The following PRDM15 variants were observed in gnomAD, a reference collection of about 807,000 sequenced individuals.
PRDM15 encodes PR/SET domain 15.
In PRDM15, 64 loss-of-function variants were observed where a neutral mutation model predicts 128.6. The ratio of observed to expected loss-of-function variants is 0.50; its 90% CI spans 0.41 to 0.61. PRDM15 has a LOEUF of 0.61. PRDM15 is among the 20% of genes least tolerant of loss of function. The pLI, the probability that PRDM15 is intolerant of heterozygous loss-of-function variation, is 0.00. For synonymous variants in PRDM15, 615 were observed against 621.8 expected (o/e 0.99, Z 0.16); for missense variants, 1,242 against 1,569.1 (o/e 0.79, Z 3.52).
At chr21:41,852,875 G>T (rs184309533) in intron 5 of PRDM15, among the ~76,000 whole-genome samples, 1 of 152,310 alleles carries the variant, frequency 6.6e-6, no homozygotes, top group Non-Finnish European at 1.5e-5. Flanking sequence ...TTAAGGTGAG[G>T]TCATGCTGGA....
chr21:41,857,028 T>C (rs1490296947), intron 4 of PRDM15, 148 bp downstream of exon 4: 3 of 699,352 alleles, frequency 4.3e-6, no homozygotes, highest in Non-Finnish European at 7.2e-6. Context: ...AAACATTTTC[T>C]TGGAAATTAA....
In PRDM15 at chr21:41,830,469, CCA is replaced by C. The variant is rs1213353547; in HGVS notation, c.1367-2138_1367-2137del. Among the ~76,000 whole-genome samples the C allele has an allele frequency of 9.9e-5, 15 of 151,230 alleles. No homozygotes were observed. The South Asian group carries it at 1.0e-3, about 11-fold the overall frequency. ...ACTGAACACATACCACACACATACA[CCA>C]CACACACACTGAACACATACCACAC... is the stretch of plus-strand genomic sequence containing the variant. On this transcript the variant is annotated intron_variant, in intron 11 of 23. Coordinates refer to ENST00000398548, the MANE Select transcript of PRDM15 (RefSeq NM_001040424.3).
intron 16 of PRDM15, 96 bp from the exon 17 acceptor site, chr21:41,820,270 C>T: frequency 1.1e-6 from 1 of 871,222 alleles, no homozygotes; most frequent in East Asian, 2.6e-5. Context: ...AAAGGTGAGG[C>T]AACAAGGTGC....
chr21:41,827,689 CA>C (rs1347600971), intron 12 of PRDM15, among the ~76,000 whole-genome samples: 2 of 152,214 alleles, frequency 1.3e-5, no homozygotes, highest in African/African-American at 4.8e-5. Flanking sequence ...TTCTTTTCAA[CA>C]AGCATATGCT....
At chr21:41,857,932 G>A (rs923118817) in intron 3 of PRDM15, among the ~76,000 whole-genome samples, 5 of 152,196 alleles carry the variant, frequency 3.3e-5, no homozygotes, top group East Asian at 1.9e-4. Context: ...ACACCATGGC[G>A]GGGCTGTGCA....
intron 21 of PRDM15, among the ~76,000 whole-genome samples, chr21:41,808,669 A>G (rs892582078): frequency 3.9e-5 from 6 of 152,270 alleles, no homozygotes; most frequent in African/African-American, 1.4e-4. Context: ...CCTCATTTAT[A>G]TAAGTGAGTA....
chr21:41,872,713 C>G (rs4919979), intron 1 of PRDM15, among the ~76,000 whole-genome samples: 105,626 of 152,062 alleles, frequency 0.69, 37,588 homozygotes, highest in Non-Finnish European at 0.77. Flanking sequence ...ATTGTGCGGG[C>G]CAGAGGTGGT....
intron 1 of PRDM15, chr21:41,878,590 AC>A: frequency 1.7e-6 from 1 of 586,560 alleles, no homozygotes; most frequent in Non-Finnish European, 2.6e-6. Context: ...ACGGCCACCC[AC>A]CCCGGGTAGG....
intron 21 of PRDM15, among the ~76,000 whole-genome samples, chr21:41,806,526 C>CACCACCCATCACTACCACCA (rs2061655773): frequency 1.2e-4 from 1 of 8,440 alleles, no homozygotes; most frequent in Non-Finnish European, 2.9e-4. Context: ...CCACCATCAC[C>CACCACCCATCACTACCACCA]ACCACCATCA....
chr21:41,843,107 GT>G (rs1200835146), intron 6 of PRDM15, among the ~76,000 whole-genome samples: 1 of 149,146 alleles, frequency 6.7e-6, no homozygotes, highest in South Asian at 2.1e-4. Context: ...TTTTTTGTTT[GT>G]TTTTTTGTTT....
chr21:41,852,692 G>A (rs562298376), intron 5 of PRDM15, among the ~76,000 whole-genome samples: 2 of 152,302 alleles, frequency 1.3e-5, no homozygotes, highest in South Asian at 4.1e-4. Flanking sequence ...CGCCGCCACC[G>A]CTGCAGGCCC....
At chr21:41,850,612 T>A (rs1004381625) in intron 5 of PRDM15, among the ~76,000 whole-genome samples, 2 of 151,986 alleles carry the variant, frequency 1.3e-5, no homozygotes, top group African/African-American at 4.8e-5. Flanking sequence ...CACATCCCTG[T>A]GGTCCCAGCT....
At chr21:41,848,127 C>T (rs543549961) in intron 5 of PRDM15, among the ~76,000 whole-genome samples, 9 of 152,308 alleles carry the variant, frequency 5.9e-5, no homozygotes, top group African/African-American at 1.4e-4. Flanking sequence ...TCATCACCCA[C>T]GGCAAACTCC....
At chr21:41,858,835 G>GA (rs934065658) in intron 3 of PRDM15, among the ~76,000 whole-genome samples, 2 of 151,442 alleles carry the variant, frequency 1.3e-5, no homozygotes, top group African/African-American at 2.4e-5. Context: ...GTCACACTAA[G>GA]AAAAAAAAAT....
rs1351484261 is a variant in PRDM15 at position 41,800,086 on chromosome 21, C to A, written c.*1154G>T. On this transcript the variant is annotated 3_prime_UTR_variant, in exon 24 of 24. Coordinates refer to ENST00000398548, the MANE Select transcript of PRDM15 (RefSeq NM_001040424.3). ...TTCATTACCACCTGGCAGGAAATAG[C>A]ATTTTCTCTGTGTTTCAGAAATACC... is the stretch of plus-strand genomic sequence containing the variant. 6.6e-6 allele frequency: 1 copy of A among 152,230 alleles called. No homozygotes were observed. Among genetic ancestry groups the A allele is most frequent in the East Asian group, 1.9e-4 (1 of 5,202 alleles). The allele number at this position is 152,230 out of a possible 1,614,324, so 9.4% of individuals were successfully genotyped here.
rs1286996477 is a variant in PRDM15, at chr21:41,828,970, CACCACG to C, written c.1367-643_1367-638del. 5.3e-5 allele frequency among the ~76,000 whole-genome samples: 8 copies of C among 150,076 alleles called. No individual in the cohort carries two copies. Among genetic ancestry groups the C allele is most frequent in the African/African-American group, 2.0e-4 (8 of 40,294 alleles). On this transcript the variant is annotated intron_variant, in intron 11 of 23. Coordinates refer to ENST00000398548, the MANE Select transcript of PRDM15 (RefSeq NM_001040424.3). This position sits in a 1 kb window ranked among gnomAD's most constrained non-coding sequence, Gnocchi z 5.7. The stretch of plus-strand genomic sequence containing the variant: ...CACAATCACACACACCACATACACA[CACCACG>C]CACACATGCCCCACACAAATACACA...
intron 11 of PRDM15, among the ~76,000 whole-genome samples, chr21:41,830,994 G>T (rs544325020): frequency 6.6e-6 from 1 of 152,182 alleles, no homozygotes; most frequent in African/African-American, 2.4e-5. Context: ...CGGCGACCCC[G>T]GGGCCCAGCA....
At chr21:41,839,494 T>C (rs921992869) in intron 7 of PRDM15, 129 bp downstream of exon 7, 1 of 709,016 alleles carries the variant, frequency 1.4e-6, no homozygotes. Context: ...GGGCTTAGAG[T>C]CTACCTTCCA....
At chr21:41,839,529 C>A in intron 7 of PRDM15, 94 bp downstream of exon 7, 19 of 972,908 alleles carry the variant, frequency 2.0e-5, no homozygotes, top group Admixed American at 2.0e-5. Context: ...ACTGAGTTTT[C>A]CCGCCCCGCC....
Sources: allele counts gnomAD v4.1 joint callset (sites outside exome capture counted in the v4.1 genomes callset), GRCh38; gene constraint gnomAD v4.1.1; non-coding constraint Gnocchi (gnomAD v3.1); transcripts MANE v1.5; gene names NCBI Gene and HGNC (gene_info 2026-07-23, HGNC 2026-07-21).